The following COP1 variants were observed in gnomAD, a reference collection of about 807,000 sequenced individuals.
The protein encoded by COP1 is E3 ubiquitin-protein ligase COP1.
A neutral mutation model predicts 101.3 loss-of-function variants in COP1; 24 were observed. That is an observed-to-expected ratio of 0.24 (90% CI 0.17 to 0.33). COP1 has a LOEUF of 0.33. Among genes scored for constraint, COP1 ranks in the 10% least tolerant of loss-of-function variants. The pLI is 1.00. For missense variants in COP1, 663 were observed against 906.2 expected (o/e 0.73, Z 3.45); for synonymous variants, 347 against 341.9 (o/e 1.01, Z -0.17).
At chr1:176,168,713 C>A (rs1572650778) in intron 3 of COP1, 2 of 349,440 alleles carry the variant, frequency 5.7e-6, no homozygotes, top group South Asian at 2.1e-5. Flanking sequence ...CATTCAAAAC[C>A]AAGGGAGGCA....
intron 1 of COP1, among the ~76,000 whole-genome samples, chr1:176,187,402 C>CGTGTGTGT (rs35205766): frequency 2.5e-4 from 38 of 149,232 alleles, no homozygotes; most frequent in African/African-American, 9.1e-4. Flanking sequence ...TATAAATATA[C>CGTGTGTGT]GTGTGTGTGT....
At chr1:175,976,067 GGTCTCA>G in intron 18 of COP1, among the ~76,000 whole-genome samples, 1 of 7,070 alleles carries the variant, frequency 1.4e-4, no homozygotes, top group Admixed American at 8.2e-3. Flanking sequence ...AGAATTAGAA[GGTCTCA>G]AAGGTCTCAA....
chr1:176,019,828 T>C (rs1007161226), intron 15 of COP1, among the ~76,000 whole-genome samples: 6 of 151,990 alleles, frequency 3.9e-5, no homozygotes, highest in African/African-American at 1.5e-4. Flanking sequence ...ACCACTGCAT[T>C]GCAGCCTGGA....
At chr1:176,067,849 C>T (rs985207270) in intron 11 of COP1, among the ~76,000 whole-genome samples, 8 of 152,198 alleles carry the variant, frequency 5.3e-5, no homozygotes, top group South Asian at 2.1e-4. Context: ...GAGCTGTAAA[C>T]GTTTACCCCC....
chr1:176,081,294 G>GAAAAAAAAA lies in COP1; in HGVS notation c.1142-16_1142-8dup, dbSNP rs56720201. 2.3e-6 allele frequency: 3 copies of GAAAAAAAAA among 1,283,916 alleles called. No homozygotes were observed. Among genetic ancestry groups the GAAAAAAAAA allele is most frequent in the South Asian group, 1.6e-5 (1 of 62,826 alleles). 79.5% of individuals were successfully genotyped at this position (1,283,916 alleles called of 1,614,324 possible). A position where few individuals can be genotyped will look rare whatever the true frequency, so the allele number is the denominator to read the frequency against. On this transcript the variant is annotated splice_region_variant and splice_polypyrimidine_tract_variant and intron_variant, in intron 10 of 19. Transcript: ENST00000367669. ...CTTGCAGTTCGACTGTCATCTATATGAAAAAAAAAAAAAAAAGACAAAACA... is the reference window on the plus strand; with the variant it reads ...CTTGCAGTTCGACTGTCATCTATATGAAAAAAAAAAAAAAAAAAAAAAAAAGACAAAACA...
At chr1:175,986,296 G>A (rs913379061) in intron 18 of COP1, among the ~76,000 whole-genome samples, 1 of 152,090 alleles carries the variant, frequency 6.6e-6, no homozygotes, top group African/African-American at 2.4e-5. Context: ...TGGGATTACA[G>A]GTGTGAGCCA....
chr1:176,152,450 A>AT (rs759949522), intron 5 of COP1, among the ~76,000 whole-genome samples: 2,101 of 147,496 alleles, frequency 0.014, 17 homozygotes, highest in Non-Finnish European at 0.018. Context: ...TATTACTTAG[A>AT]TTTTTTTTTT....
chr1:176,165,384 G>A, intron 3 of COP1, among the ~76,000 whole-genome samples: 1 of 150,370 alleles, frequency 6.7e-6, no homozygotes, highest in Admixed American at 6.7e-5. Flanking sequence ...GTGTGTGTGT[G>A]TGTGTGTGTG....
chr1:176,042,368 T>C (rs1670739805), intron 14 of COP1, among the ~76,000 whole-genome samples: 1 of 147,776 alleles, frequency 6.8e-6, no homozygotes, highest in South Asian at 2.2e-4. Context: ...TTGATACCAG[T>C]CTGGCTAACA....
At chr1:176,057,047 T>G (rs957126118) in intron 11 of COP1, among the ~76,000 whole-genome samples, 5 of 152,308 alleles carry the variant, frequency 3.3e-5, no homozygotes, top group Admixed American at 3.3e-4. Context: ...ATGAAAATCC[T>G]ATAATTAACT....
rs369148015 is a variant in COP1 at position 176,198,758 on chromosome 1, A to G, written c.407+7814T>C. On this transcript the variant is annotated intron_variant, in intron 1 of 19. Coordinates refer to ENST00000367669, the MANE Select transcript of COP1 (RefSeq NM_022457.7). ...GCAGAATACATAAAGAACACTTACAACGCAAGATGACATGCAATTTTAAGG... is the reference window on the plus strand; with the variant it reads ...GCAGAATACATAAAGAACACTTACAGCGCAAGATGACATGCAATTTTAAGG... Among the ~76,000 whole-genome samples the G allele has an allele frequency of 3.3e-5, 5 of 152,294 alleles. No individual in the cohort carries two copies. In the South Asian group the frequency reaches 1.0e-3, roughly 32 times the overall value.
chr1:175,960,881 G>A (rs1282784809), intron 18 of COP1, among the ~76,000 whole-genome samples: 1 of 152,204 alleles, frequency 6.6e-6, no homozygotes, highest in African/African-American at 2.4e-5. Flanking sequence ...AAGTCTGTGA[G>A]GGTGTTTCCA....
intron 18 of COP1, among the ~76,000 whole-genome samples, chr1:175,975,045 G>T (rs1471571572): frequency 6.6e-6 from 1 of 151,394 alleles, no homozygotes; most frequent in African/African-American, 2.4e-5. Context: ...CTGTCAGTAA[G>T]AAACATGGCA....
intron 1 of COP1, among the ~76,000 whole-genome samples, chr1:176,187,416 T>C (rs1363255071): frequency 6.6e-6 from 1 of 151,950 alleles, no homozygotes; most frequent in Non-Finnish European, 1.5e-5. Flanking sequence ...TGTGTGTGTG[T>C]GTGTGTGTGT....
intron 11 of COP1, among the ~76,000 whole-genome samples, chr1:176,068,011 C>T (rs1040237577): frequency 3.9e-5 from 6 of 152,146 alleles, no homozygotes; most frequent in African/African-American, 1.4e-4. Context: ...GAACTTTTCC[C>T]ATTTCAAAAT....
At chr1:176,120,650 G>C (rs1180726408) in intron 8 of COP1, among the ~76,000 whole-genome samples, 1 of 152,196 alleles carries the variant, frequency 6.6e-6, no homozygotes, top group Non-Finnish European at 1.5e-5. Context: ...TATGCAAGTA[G>C]ATGTCCGTAT....
intron 9 of COP1, among the ~76,000 whole-genome samples, chr1:176,101,105 A>G (rs903624035): frequency 2.6e-5 from 4 of 152,330 alleles, no homozygotes; most frequent in South Asian, 2.1e-4. Flanking sequence ...AGCAGGGGAC[A>G]TAAGGTGTAC....
chr1:176,006,341 T>C lies in COP1; in HGVS notation c.1730-16862A>G, dbSNP rs896544282. 2.2e-4 allele frequency among the ~76,000 whole-genome samples: 33 copies of C among 152,286 alleles called. 1 individual carries two copies. The East Asian group carries it at 3.5e-3, about 16-fold the overall frequency. On this transcript the variant is annotated intron_variant, in intron 15 of 19. Transcript: ENST00000367669. The stretch of plus-strand genomic sequence containing the variant: ...TGTCTTTTCATTGGAGCATTTAGTC[T>C]ATTTATATTTAAAGTTAATATTGTT...
intron 2 of COP1, among the ~76,000 whole-genome samples, chr1:176,180,391 C>T (rs553907734): frequency 4.6e-5 from 7 of 152,214 alleles, no homozygotes; most frequent in African/African-American, 1.7e-4. Flanking sequence ...CCATTACCAG[C>T]CTGCATACAA....
Sources: gnomAD v4.1 joint callset for allele counts (sites outside exome capture counted in the v4.1 genomes callset) on GRCh38, gnomAD v4.1.1 for gene constraint, MANE v1.5 for transcripts, NCBI Gene and HGNC (gene_info 2026-07-23, HGNC 2026-07-21) for gene names.